Variants in CLYBL observed in about 807,000 individuals in gnomAD.
The protein encoded by CLYBL is citramalyl-CoA lyase.
In CLYBL, 31 loss-of-function variants were observed where a neutral mutation model predicts 38.9. That is an observed-to-expected ratio of 0.80 (90% CI 0.60 to 1.08). The LOEUF is 1.08. Among genes scored for constraint, CLYBL ranks in the 50% least tolerant of loss-of-function variants. The pLI is 0.00. For synonymous variants in CLYBL, 171 were observed against 158.6 expected, an observed-to-expected ratio of 1.08 and a Z score of -0.59; for missense variants, 434 against 411.6, an observed-to-expected ratio of 1.05 and a Z score of -0.47.
chr13:99,693,628 G>A (rs1178245092), intron 1 of CLYBL, among the ~76,000 whole-genome samples: 1 of 151,880 alleles, frequency 6.6e-6, no homozygotes, highest in African/African-American at 2.4e-5. Flanking sequence ...AACCCAAGCA[G>A]AGGCAAGGCT....
chr13:99,741,558 G>A (rs1330072457), intron 1 of CLYBL, among the ~76,000 whole-genome samples: 2 of 151,806 alleles, frequency 1.3e-5, no homozygotes, highest in Non-Finnish European at 2.9e-5. Flanking sequence ...TTTTTTGGGG[G>A]GTGGGGGTCG....
At chr13:99,811,988 C>A (rs1000066233) in intron 2 of CLYBL, among the ~76,000 whole-genome samples, 2 of 152,140 alleles carry the variant, frequency 1.3e-5, no homozygotes, top group Non-Finnish European at 2.9e-5. Context: ...AATCCACAAT[C>A]CTGTATCCAC....
intron 1 of CLYBL, among the ~76,000 whole-genome samples, chr13:99,754,416 C>CTAAAAAAA (rs1454742490): frequency 1.4e-5 from 1 of 71,886 alleles, no homozygotes; most frequent in African/African-American, 5.7e-5. Context: ...GACCCTGTCT[C>CTAAAAAAA]AAAAAAAAAA....
intron 1 of CLYBL, among the ~76,000 whole-genome samples, chr13:99,612,423 T>C (rs2046641060): frequency 7.0e-6 from 1 of 143,424 alleles, no homozygotes; most frequent in African/African-American, 2.6e-5. Flanking sequence ...GGTCTTGCTC[T>C]GTCACCCAGG....
chr13:99,610,854 T>A (rs1221938946), intron 1 of CLYBL, among the ~76,000 whole-genome samples: 1 of 152,252 alleles, frequency 6.6e-6, no homozygotes, highest in Non-Finnish European at 1.5e-5. Flanking sequence ...GTTTACCCTG[T>A]TATCTTCCAT....
At chr13:99,631,331 ATGTGTGTGTGTGTGTGTG>A (rs10643696) in intron 1 of CLYBL, among the ~76,000 whole-genome samples, 4 of 145,190 alleles carry the variant, frequency 2.8e-5, no homozygotes, top group African/African-American at 1.0e-4. Flanking sequence ...CCAAATATTT[ATGTGTGTGTGTGTGTGTG>A]TGTGTGTGTG....
intron 1 of CLYBL, among the ~76,000 whole-genome samples, chr13:99,657,613 G>A (rs2047347232): frequency 7.7e-6 from 1 of 129,440 alleles, no homozygotes; most frequent in Non-Finnish European, 1.6e-5. Flanking sequence ...TCTAAATTTT[G>A]ACCTAATTAG....
Position 99,849,087 on chromosome 13 carries a change from C to T in CLYBL, c.250-9774C>T, listed in dbSNP as rs893809793. ...CCAGGAGGTGGAGGCTGCAGTGAGC[C>T]GAGATCGTGCCATTACACTCCAGCC... On this transcript the variant is annotated intron_variant, in intron 2 of 8. Transcript: ENST00000339105. The surrounding 1 kb of genome is among the most constrained non-coding windows in gnomAD (Gnocchi z 4.9). 2.0e-5 allele frequency among the ~76,000 whole-genome samples: 3 copies of T among 150,918 alleles called. No homozygotes were observed. Among genetic ancestry groups the T allele is most frequent in the African/African-American group, 7.3e-5 (3 of 40,874 alleles).
intron 1 of CLYBL, among the ~76,000 whole-genome samples, chr13:99,698,670 T>A (rs1293676784): frequency 2.0e-5 from 3 of 152,212 alleles, no homozygotes; most frequent in Non-Finnish European, 4.4e-5. Context: ...ATTTATTGTG[T>A]GTGGCTTTAT....
intron 1 of CLYBL, among the ~76,000 whole-genome samples, chr13:99,664,447 A>C (rs543555595): frequency 6.6e-5 from 10 of 152,322 alleles, no homozygotes; most frequent in African/African-American, 2.4e-4. Context: ...AGATGTGGAG[A>C]ATGGATGTTT....
intron 1 of CLYBL, among the ~76,000 whole-genome samples, chr13:99,751,890 A>G (rs2048965229): frequency 6.6e-6 from 1 of 152,240 alleles, no homozygotes; most frequent in African/African-American, 2.4e-5. Context: ...ATGATAGCCT[A>G]TAGATCAGCT....
intron 2 of CLYBL, among the ~76,000 whole-genome samples, chr13:99,785,404 G>A (rs557151820): frequency 1.0e-3 from 151 of 150,778 alleles, no homozygotes; most frequent in Non-Finnish European, 1.8e-3. Context: ...GTAGAGATGG[G>A]GGTCTCTCTA....
intron 1 of CLYBL, among the ~76,000 whole-genome samples, chr13:99,729,499 G>A (rs773717306): frequency 2.6e-5 from 4 of 152,040 alleles, no homozygotes; most frequent in Non-Finnish European, 4.4e-5. Context: ...GATCTGCTTC[G>A]GGCTAAATAT....
At chr13:99,788,112 A>G (rs1292682806) in intron 2 of CLYBL, among the ~76,000 whole-genome samples, 15 of 152,076 alleles carry the variant, frequency 9.9e-5, no homozygotes, top group Non-Finnish European at 1.9e-4. Context: ...GAGACGATGG[A>G]GTTTTCTAAA....
At chr13:99,633,141 G>A (rs1204485142) in intron 1 of CLYBL, among the ~76,000 whole-genome samples, 1 of 141,710 alleles carries the variant, frequency 7.1e-6, no homozygotes, top group African/African-American at 2.6e-5. Context: ...AACGTGGGAG[G>A]CAGAGGTTGC....
intron 2 of CLYBL, among the ~76,000 whole-genome samples, chr13:99,817,731 G>T (rs1034202429): frequency 1.3e-5 from 2 of 151,336 alleles, no homozygotes; most frequent in Non-Finnish European, 2.9e-5. Flanking sequence ...GGCAGGACAT[G>T]GTGGCTCATG....
At chr13:99,722,736 G>A (rs1594138917) in intron 1 of CLYBL, among the ~76,000 whole-genome samples, 1 of 152,216 alleles carries the variant, frequency 6.6e-6, no homozygotes, top group Admixed American at 6.5e-5. Flanking sequence ...AAAGAGAATA[G>A]GGCTTCTTCT....
intron 1 of CLYBL, among the ~76,000 whole-genome samples, chr13:99,662,510 C>CTTT (rs34634591): frequency 3.3e-5 from 4 of 122,378 alleles, no homozygotes; most frequent in African/African-American, 8.9e-5. Flanking sequence ...ATCTTTAAAA[C>CTTT]TTTTTTTTTT....
Position 99,887,444 on chromosome 13 carries a change from A to G in CLYBL, c.928-3874A>G, listed in dbSNP as rs545527410. 6.6e-4 allele frequency among the ~76,000 whole-genome samples: 100 copies of G among 152,330 alleles called. 1 individual carries two copies. Among genetic ancestry groups the G allele is most frequent in the South Asian group, 3.9e-3 (19 of 4,822 alleles). ...CAGTTTCCTCAGTTATTAAAAGGGG[A>G]TGAGTACAAACTCAGAGACAGAAAG... is the stretch of plus-strand genomic sequence containing the variant. On this transcript the variant is annotated intron_variant, in intron 7 of 8. Transcript: ENST00000339105.
Sources: gnomAD v4.1 joint callset for allele counts (sites outside exome capture counted in the v4.1 genomes callset) on GRCh38, gnomAD v4.1.1 for gene constraint, Gnocchi (gnomAD v3.1) non-coding constraint, MANE v1.5 for transcripts, NCBI Gene and HGNC (gene_info 2026-07-23, HGNC 2026-07-21) for gene names.